Variants in SLC24A2 observed in about 807,000 individuals in gnomAD.
The protein encoded by SLC24A2 is solute carrier family 24 member 2.
In SLC24A2, 36 loss-of-function variants were observed where a neutral mutation model predicts 62.0. That is an observed-to-expected ratio of 0.58 (90% CI 0.44 to 0.77). The LOEUF (loss-of-function observed/expected upper bound fraction) is 0.77, where lower values mean the gene tolerates loss of function less well. Among genes scored for constraint, SLC24A2 ranks in the 30% least tolerant of loss-of-function variants. The pLI, the probability that SLC24A2 is intolerant of heterozygous loss-of-function variation, is 0.00. For missense variants in SLC24A2, 846 were observed against 817.9 expected (o/e 1.03, Z -0.42); for synonymous variants, 358 against 294.0 (o/e 1.22, Z -2.23).
the SLC24A2 span, among the ~76,000 whole-genome samples, chr9:20,159,193 G>A: frequency 2.6e-5 from 4 of 151,600 alleles, no homozygotes; most frequent in Admixed American, 6.6e-5. Context: ...GTAATATGTG[G>A]AATATCATAC....
the SLC24A2 span, among the ~76,000 whole-genome samples, chr9:19,887,249 T>C: frequency 7.2e-5 from 11 of 152,198 alleles, no homozygotes; most frequent in Non-Finnish European, 1.5e-5. Flanking sequence ...CACTTTTTAA[T>C]GGGGTTGCCT....
At chr9:19,867,485 C>T in the SLC24A2 span, among the ~76,000 whole-genome samples, 1 of 152,070 alleles carries the variant, frequency 6.6e-6, no homozygotes, top group Non-Finnish European at 1.5e-5. Flanking sequence ...TCGTAATATT[C>T]CTTTTTAGTT....
intron 8 of SLC24A2, among the ~76,000 whole-genome samples, chr9:19,536,213 T>A: frequency 6.6e-6 from 1 of 151,374 alleles, no homozygotes; most frequent in East Asian, 1.9e-4. Flanking sequence ...TATTTTTTTT[T>A]ATTACACTTT....
chr9:19,619,505 C>T lies in SLC24A2; in HGVS notation c.1078+79G>A, dbSNP rs1817854728. The T allele has an allele frequency of 3.5e-6, 4 of 1,145,198 alleles. No homozygotes were observed. The Admixed American group carries it at 6.7e-5, about 19-fold the overall frequency. The allele number at this position is 1,145,198 out of a possible 1,614,324, so 70.9% of individuals were successfully genotyped here. A position where few individuals can be genotyped will look rare whatever the true frequency, so the allele number is the denominator to read the frequency against. On this transcript the variant is annotated intron_variant, in intron 4 of 10. Transcript: ENST00000341998. Reference sequence around the variant, plus strand: ...CTGGCAGGCGTGCATGACGACAGCACAAACACGTTTTATGCAGAGAAGCCT... The same window carrying T: ...CTGGCAGGCGTGCATGACGACAGCATAAACACGTTTTATGCAGAGAAGCCT...
At chr9:20,198,911 G>A in the SLC24A2 span, among the ~76,000 whole-genome samples, 14 of 152,218 alleles carry the variant, frequency 9.2e-5, no homozygotes, top group African/African-American at 3.4e-4. Context: ...TTTCACCAAG[G>A]TGATGCCGAG....
intron 7 of SLC24A2, among the ~76,000 whole-genome samples, chr9:19,567,025 C>G (rs571317689): frequency 2.6e-4 from 40 of 151,986 alleles, no homozygotes; most frequent in South Asian, 4.2e-4. Context: ...GAGTTAATGG[C>G]TGCGGCACAC....
the SLC24A2 span, among the ~76,000 whole-genome samples, chr9:20,058,969 T>C: frequency 6.6e-6 from 1 of 152,214 alleles, no homozygotes; most frequent in Non-Finnish European, 1.5e-5. Context: ...TCCCTATTTC[T>C]GAGTTAATCC....
chr9:19,620,695 A>G (rs1227220640), intron 3 of SLC24A2, among the ~76,000 whole-genome samples: 5 of 152,298 alleles, frequency 3.3e-5, no homozygotes, highest in African/African-American at 1.2e-4. Context: ...TTTTGTGTTG[A>G]TCATCACAAG....
chr9:19,834,188 C>T, the SLC24A2 span, among the ~76,000 whole-genome samples: 49 of 152,118 alleles, frequency 3.2e-4, no homozygotes, highest in Admixed American at 2.6e-3. Context: ...TCCAAAGGAA[C>T]GCAGCTCCTC....
chr9:19,990,198 C>T, the SLC24A2 span, among the ~76,000 whole-genome samples: 9 of 152,210 alleles, frequency 5.9e-5, no homozygotes, highest in African/African-American at 2.2e-4. Flanking sequence ...GATGAGGAAA[C>T]TGGGGCTTAG....
chr9:20,126,202 A>G, the SLC24A2 span, among the ~76,000 whole-genome samples: 813 of 152,316 alleles, frequency 5.3e-3, 6 homozygotes, highest in African/African-American at 0.018. Flanking sequence ...ATTTTTGCCA[A>G]GCTAGTATGT....
At chr9:19,758,807 C>T (rs1378815751) in intron 2 of SLC24A2, among the ~76,000 whole-genome samples, 1 of 152,130 alleles carries the variant, frequency 6.6e-6, no homozygotes, top group Non-Finnish European at 1.5e-5. Context: ...AGTCATTTCA[C>T]TTCCTGCTTA....
chr9:19,787,038 C>T lies in SLC24A2; in HGVS notation c.-153-19G>A, dbSNP rs998167558. The T allele has an allele frequency of 5.6e-5, 76 of 1,360,430 alleles. No individual in the cohort carries two copies. The Middle Eastern group carries it at 8.0e-4, about 14-fold the overall frequency. The allele number at this position is 1,360,430 out of a possible 1,614,324, so 84.3% of individuals were successfully genotyped here. ...ATTTATGCTTAAATAAAAATAAAAA[C>T]GAGAATAAGTAAATCATAAAATCAC... On this transcript the variant is annotated intron_variant, in intron 1 of 10. Transcript: ENST00000341998.
intron 9 of SLC24A2, among the ~76,000 whole-genome samples, chr9:19,523,946 T>C (rs1833313381): frequency 6.6e-6 from 1 of 151,998 alleles, no homozygotes; most frequent in African/African-American, 2.4e-5. Context: ...AGAAAGCCTT[T>C]TGTGGAAGAA....
chr9:19,954,358 C>T, the SLC24A2 span, among the ~76,000 whole-genome samples: 2 of 151,920 alleles, frequency 1.3e-5, no homozygotes, highest in African/African-American at 2.4e-5. Context: ...AACACTAATG[C>T]TGGATAAGGA....
chr9:20,059,705 A>T, the SLC24A2 span, among the ~76,000 whole-genome samples: 1 of 152,100 alleles, frequency 6.6e-6, no homozygotes, highest in African/African-American at 2.4e-5. Context: ...AAGAAGAAAG[A>T]TCTCTCGCAA....
intron 2 of SLC24A2, among the ~76,000 whole-genome samples, chr9:19,626,076 T>G (rs953198462): frequency 6.6e-6 from 1 of 152,212 alleles, no homozygotes; most frequent in African/African-American, 2.4e-5. Flanking sequence ...GATAATAAAA[T>G]GCATAGCCCA....
chr9:19,965,933 C>T, the SLC24A2 span, among the ~76,000 whole-genome samples: 1 of 152,182 alleles, frequency 6.6e-6, no homozygotes, highest in Non-Finnish European at 1.5e-5. Context: ...CCCTACATCT[C>T]ATTGGCTCGG....
the SLC24A2 span, among the ~76,000 whole-genome samples, chr9:19,811,940 T>A: frequency 6.6e-6 from 1 of 152,164 alleles, no homozygotes; most frequent in Non-Finnish European, 1.5e-5. Context: ...TTCTTTAGTA[T>A]TTCTCTTAGT....
Sources: gnomAD v4.1 joint callset for allele counts (sites outside exome capture counted in the v4.1 genomes callset) on GRCh38, gnomAD v4.1.1 for gene constraint, MANE v1.5 for transcripts, NCBI Gene and HGNC (gene_info 2026-07-23, HGNC 2026-07-21) for gene names.